FRYL: variants seen among roughly 807,000 people sequenced by gnomAD.
FRYL encodes protein furry homolog-like.
Under a neutral mutation model 351.2 loss-of-function variants are expected in FRYL, and 150 were observed. The observed-to-expected ratio is 0.43, with a 90% confidence interval of 0.37 to 0.49. The LOEUF (loss-of-function observed/expected upper bound fraction) is 0.49, where lower values mean the gene tolerates loss of function less well. Among genes scored for constraint, FRYL ranks in the 20% least tolerant of loss-of-function variants. The pLI is 0.00. For missense variants in FRYL, 3,036 were observed against 3,619.3 expected (o/e 0.84, Z 4.13); for synonymous variants, 1,153 against 1,257.1 (o/e 0.92, Z 1.75).
chr4:48,556,778 A>G (rs1734211673), intron 35 of FRYL, among the ~76,000 whole-genome samples, 200 bp downstream of exon 35: 1 of 152,082 alleles, frequency 6.6e-6, no homozygotes, highest in Non-Finnish European at 1.5e-5. Flanking sequence ...TACCCAGAAG[A>G]GCACCTGGCC....
At chr4:48,613,088 A>G (rs1377229916) in intron 7 of FRYL, among the ~76,000 whole-genome samples, 1 of 152,226 alleles carries the variant, frequency 6.6e-6, no homozygotes, top group Non-Finnish European at 1.5e-5. Flanking sequence ...TACATAATGA[A>G]CTATCTTGGG....
At chr4:48,532,804 CT>C (rs1217061525) in intron 49 of FRYL, among the ~76,000 whole-genome samples, 1 of 152,094 alleles carries the variant, frequency 6.6e-6, no homozygotes, top group African/African-American at 2.4e-5. Flanking sequence ...AATTATATTG[CT>C]GGTTGTGTTT....
At position 48,510,843 on chromosome 4, in the gene FRYL, C is replaced by A; in HGVS notation, c.8287G>T (p.Ala2763Ser). 1 of 1,610,808 alleles carries A rather than the reference C, an allele frequency of 6.2e-7. No individual in the cohort carries two copies. The highest frequency in any genetic ancestry group is 1.3e-5 in the African/African-American group (1 of 74,922). Residue 2763 changes from alanine to serine, a missense_variant, in exon 58 of 64, where the codon GCT becomes TCT. By Grantham distance (99) the Ala-to-Ser change is moderately conservative. This residue lies in a region of FRYL where 1,987 missense variants were observed against 2,311.7 expected (regional missense o/e 0.86). Coordinates refer to ENST00000358350, the MANE Select transcript of FRYL (RefSeq NM_015030.2). ...TGCATGTAAAAACTTACTGTTTCAG[C>A]ATCCACAAAGACTGTTGGGCATTCT... ...CSECPTVFVD[A>S]ETLMSCGLLE...
intron 62 of FRYL, among the ~76,000 whole-genome samples, chr4:48,501,323 T>C (rs138923742): frequency 2.0e-5 from 3 of 152,248 alleles, no homozygotes; most frequent in Non-Finnish European, 4.4e-5. Context: ...CTCGAGTAAC[T>C]AGGACTATAG....
chr4:48,549,465 T>C lies in FRYL; in HGVS notation c.4784+8A>G, dbSNP rs1360789727. On this transcript the variant is annotated splice_region_variant and intron_variant, in intron 39 of 63. Transcript: ENST00000358350. The surrounding 1 kb of genome is among the most constrained non-coding windows in gnomAD (Gnocchi z 4.2). ...TGCATATGTAAAAGGAATGACGCTG[T>C]AGTCCACCTGTGAAGAGGTAATCCA... The C allele has an allele frequency of 6.2e-7, 1 of 1,605,492 alleles. No individual in the cohort carries two copies. The highest frequency in any genetic ancestry group is 1.1e-5 in the South Asian group (1 of 89,834).
intron 35 of FRYL, among the ~76,000 whole-genome samples, chr4:48,554,104 A>G (rs1439396990): frequency 6.6e-6 from 1 of 152,232 alleles, no homozygotes; most frequent in African/African-American, 2.4e-5. Context: ...TATTACTGAA[A>G]TAACTTCATA....
At chr4:48,749,572 C>T (rs574867657) in intron 1 of FRYL, among the ~76,000 whole-genome samples, 4 of 152,234 alleles carry the variant, frequency 2.6e-5, no homozygotes, top group East Asian at 1.9e-4. Context: ...TAATGACTTG[C>T]GGAGGATGGG....
chr4:48,734,227 G>A (rs942731562), intron 1 of FRYL, among the ~76,000 whole-genome samples: 2 of 152,162 alleles, frequency 1.3e-5, no homozygotes, highest in Non-Finnish European at 2.9e-5. Flanking sequence ...GAGATGTCAT[G>A]CTAACACTAA....
chr4:48,579,765 T>TTACTC (rs1223423362), intron 22 of FRYL, among the ~76,000 whole-genome samples: 3 of 152,198 alleles, frequency 2.0e-5, no homozygotes, highest in Non-Finnish European at 4.4e-5. Context: ...AAGTCATCCA[T>TTACTC]TACTCTCTTT....
At chr4:48,564,466 T>C (rs1186842971) in intron 30 of FRYL, among the ~76,000 whole-genome samples, 1 of 152,206 alleles carries the variant, frequency 6.6e-6, no homozygotes, top group Non-Finnish European at 1.5e-5. Context: ...ATAGAAAAAC[T>C]GTTCTGAGGG....
At chr4:48,739,499 C>T (rs1480853448) in intron 1 of FRYL, among the ~76,000 whole-genome samples, 1 of 150,330 alleles carries the variant, frequency 6.7e-6, no homozygotes, top group Non-Finnish European at 1.5e-5. Context: ...ACTGAAACAA[C>T]TGGACATTCA....
chr4:48,753,514 T>A (rs991077103), intron 1 of FRYL, among the ~76,000 whole-genome samples: 4 of 152,186 alleles, frequency 2.6e-5, no homozygotes, highest in African/African-American at 7.2e-5. Flanking sequence ...ATCTTTTTAT[T>A]ACTGAGTTGT....
chr4:48,699,436 A>C (rs1766513828), intron 2 of FRYL, among the ~76,000 whole-genome samples: 1 of 152,230 alleles, frequency 6.6e-6, no homozygotes, highest in African/African-American at 2.4e-5. Flanking sequence ...TGCTTATTTG[A>C]AGACTAAATT....
intron 3 of FRYL, among the ~76,000 whole-genome samples, chr4:48,653,083 A>G (rs185174370): frequency 1.8e-4 from 28 of 152,346 alleles, no homozygotes; most frequent in African/African-American, 5.3e-4. Context: ...AACAAAAGCA[A>G]TATTTCTGCC....
intron 1 of FRYL, among the ~76,000 whole-genome samples, chr4:48,745,225 C>A (rs1042265039): frequency 2.0e-5 from 3 of 152,152 alleles, no homozygotes; most frequent in Admixed American, 1.3e-4. Context: ...ACTAGAAATA[C>A]CATTTGACCC....
At chr4:48,556,905 C>A (rs1734236904) in intron 35 of FRYL, 73 bp downstream of exon 35, 2 of 1,350,678 alleles carry the variant, frequency 1.5e-6, no homozygotes, top group Non-Finnish European at 2.0e-6. Flanking sequence ...CAACTGCTGC[C>A]CATACTCTGA....
Position 48,675,557 on chromosome 4 carries a change from C to T in FRYL, c.-81+9116G>A, listed in dbSNP as rs1399721355. On this transcript the variant is annotated intron_variant, in intron 3 of 63. Transcript: ENST00000358350. ...ACCAGCGCTGCGCTCGATTTCTCAC[C>T]GAGCCTTAGCTGCCTTCCCGCGGGG... is the stretch of plus-strand genomic sequence containing the variant. 2.6e-5 allele frequency among the ~76,000 whole-genome samples: 4 copies of T among 152,220 alleles called. No individual in the cohort carries two copies. The East Asian group carries it at 7.7e-4, about 29-fold the overall frequency.
At chr4:48,504,198 G>A (rs1395075768) in intron 60 of FRYL, among the ~76,000 whole-genome samples, 1 of 151,926 alleles carries the variant, frequency 6.6e-6, no homozygotes, top group Non-Finnish European at 1.5e-5. Flanking sequence ...ACAAATATTT[G>A]ACTGCTTATT....
intron 33 of FRYL, among the ~76,000 whole-genome samples, chr4:48,558,850 G>A (rs988382969): frequency 1.3e-5 from 2 of 152,164 alleles, no homozygotes; most frequent in Non-Finnish European, 2.9e-5. Flanking sequence ...TCCAAAGCCC[G>A]TGAGCCTTTT....
Sources: allele counts gnomAD v4.1 joint callset (sites outside exome capture counted in the v4.1 genomes callset), GRCh38; gene constraint gnomAD v4.1.1; regional missense constraint gnomAD v4.1.1; non-coding constraint Gnocchi (gnomAD v3.1); transcripts MANE v1.5; gene names NCBI Gene and HGNC (gene_info 2026-07-23, HGNC 2026-07-21).